The following MYO7B variants were observed in gnomAD, a reference collection of about 807,000 sequenced individuals.
MYO7B encodes the protein unconventional myosin-VIIb.
MYO7B carries 212 observed loss-of-function variants against 259.7 expected under a neutral mutation model. The ratio of observed to expected loss-of-function variants is 0.82; its 90% confidence interval spans 0.73 to 0.91. The LOEUF is 0.91. Ranked by LOEUF, MYO7B falls within the 40% of genes least tolerant of loss-of-function variation. The pLI is 0.00. For synonymous variants in MYO7B, 1,197 were observed against 1,166.4 expected, an observed-to-expected ratio of 1.03 and a Z score of -0.54; for missense variants, 2,732 against 2,813.5, an observed-to-expected ratio of 0.97 and a Z score of 0.66.
At position 127,543,938 on chromosome 2, in the gene MYO7B, G is replaced by T. The variant is rs374150945; in HGVS notation, c.-24+8107G>T. On this transcript the variant is annotated intron_variant, in intron 1 of 47. Coordinates refer to ENST00000409816, the MANE Select transcript of MYO7B (RefSeq NM_001393586.1). ...TTTTTTGTATTTTTAGTAGAGACAGGGTTTCACCGTGTTAGCCAGGATGGT... is the reference window on the plus strand; with the variant it reads ...TTTTTTGTATTTTTAGTAGAGACAGTGTTTCACCGTGTTAGCCAGGATGGT... Among the ~76,000 whole-genome samples, 208 of 151,968 alleles carry T rather than the reference G, an allele frequency of 1.4e-3. 2 individuals carry two copies. In the South Asian group the frequency reaches 0.016, roughly 12 times the overall value.
chr2:127,608,635 T>C, intron 21 of MYO7B, 73 bp from the exon 22 acceptor site: 1 of 1,505,732 alleles, frequency 6.6e-7, no homozygotes, highest in Non-Finnish European at 8.9e-7. Flanking sequence ...GTGCTTGCCC[T>C]GTGGGGTAGG....
chr2:127,582,165 TG>T lies in MYO7B; in HGVS notation c.1201-136del. The T allele has an allele frequency of 1.4e-6, 2 of 1,461,154 alleles. 1 individual carries two copies. The highest frequency in any genetic ancestry group is 2.7e-5 in the South Asian group (2 of 75,192). 90.5% of individuals were successfully genotyped at this position (1,461,154 alleles called of 1,614,324 possible). On this transcript the variant is annotated intron_variant, in intron 11 of 47. Coordinates refer to ENST00000409816, the MANE Select transcript of MYO7B (RefSeq NM_001393586.1). ...GGTGACCATGGACTCCTCAGCCTCT[TG>T]GGCCCTGGTTTCTTGCCTTTGAAGG...
intron 16 of MYO7B, among the ~76,000 whole-genome samples, chr2:127,592,162 G>A (rs1281139775): frequency 1.3e-5 from 2 of 152,230 alleles, no homozygotes; most frequent in African/African-American, 4.8e-5. Flanking sequence ...GGGACGCCAA[G>A]GCGGGCGGAT....
chr2:127,543,533 T>C (rs1377113143), intron 1 of MYO7B, among the ~76,000 whole-genome samples: 2 of 152,128 alleles, frequency 1.3e-5, no homozygotes, highest in African/African-American at 2.4e-5. Context: ...GTCTGATCTC[T>C]CTTTCTTTTC....
At chr2:127,563,516 G>A (rs979836698) in intron 2 of MYO7B, among the ~76,000 whole-genome samples, 1 of 151,938 alleles carries the variant, frequency 6.6e-6, no homozygotes, top group African/African-American at 2.4e-5. Flanking sequence ...TGCAAATATG[G>A]AAGACCTGCA....
In MYO7B at chr2:127,576,586, C is replaced by G; in HGVS notation, c.736-9C>G. 2 of 1,514,886 alleles carry G rather than the reference C, an allele frequency of 1.3e-6. No homozygotes were observed. Among genetic ancestry groups the G allele is most frequent in the Non-Finnish European group, 9.1e-7 (1 of 1,097,070 alleles). The allele number at this position is 1,514,886 out of a possible 1,614,324, so 93.8% of individuals were successfully genotyped here. A position where few individuals can be genotyped will look rare whatever the true frequency, so the allele number is the denominator to read the frequency against. ...TGAATCTGTCTGGAATGCCCTCCCT[C>G]CCTCCCAGGCTCCCGAGGAGCGGAA... On this transcript the variant is annotated splice_polypyrimidine_tract_variant and intron_variant, in intron 7 of 47. Coordinates refer to ENST00000409816, the MANE Select transcript of MYO7B (RefSeq NM_001393586.1). This position sits in a 1 kb window ranked among gnomAD's most constrained non-coding sequence, Gnocchi z 4.9.
intron 43 of MYO7B, 86 bp from the exon 44 acceptor site, chr2:127,635,636 G>A: frequency 3.5e-6 from 5 of 1,408,912 alleles, no homozygotes; most frequent in Non-Finnish European, 4.8e-6. Context: ...CTAAGCCCCA[G>A]TTCCCCACCA....
rs1414848608 is a variant in MYO7B, at chr2:127,627,500, C to T, written c.4460+190C>T. Reference sequence around the variant, plus strand: ...ACCCTCCTGCACCAGGCCGTACTGCCCATGAAGTACTCCATTGGGGCATCA... The same window carrying T: ...ACCCTCCTGCACCAGGCCGTACTGCTCATGAAGTACTCCATTGGGGCATCA... On this transcript the variant is annotated intron_variant, in intron 33 of 47. Coordinates refer to ENST00000409816, the MANE Select transcript of MYO7B (RefSeq NM_001393586.1). This position sits in a 1 kb window ranked among gnomAD's most constrained non-coding sequence, Gnocchi z 5.6. 3.8e-6 allele frequency: 3 copies of T among 797,894 alleles called. No homozygotes were observed. Among genetic ancestry groups the T allele is most frequent in the Admixed American group, 4.0e-5 (2 of 49,522 alleles). 49.4% of individuals were successfully genotyped at this position (797,894 alleles called of 1,614,324 possible).
chr2:127,627,811 G>A lies in MYO7B; in HGVS notation c.4460+501G>A, dbSNP rs549008298. 1.4e-3 allele frequency: 648 copies of A among 457,868 alleles called. 8 individuals carry two copies. The highest frequency in any genetic ancestry group is 9.3e-3 in the South Asian group (602 of 64,584). The allele number at this position is 457,868 out of a possible 1,614,324, so 28.4% of individuals were successfully genotyped here. A position where few individuals can be genotyped will look rare whatever the true frequency, so the allele number is the denominator to read the frequency against. ...GGAACTTTTCCATGCCCTTTGGGAA[G>A]TCCCACCCAAGCCCTGCCAGAGCGC... is the stretch of plus-strand genomic sequence containing the variant. On this transcript the variant is annotated intron_variant, in intron 33 of 47. Transcript: ENST00000409816. The surrounding 1 kb of genome is among the most constrained non-coding windows in gnomAD (Gnocchi z 5.6).
intron 19 of MYO7B, among the ~76,000 whole-genome samples, chr2:127,598,106 G>A (rs980204727): frequency 8.5e-5 from 13 of 152,172 alleles, no homozygotes; most frequent in African/African-American, 2.9e-4. Context: ...ATCAGTTGCC[G>A]TTTCTCTGGG....
intron 25 of MYO7B, 42 bp from the exon 26 acceptor site, chr2:127,612,434 G>A: frequency 6.4e-7 from 1 of 1,550,922 alleles, no homozygotes; most frequent in Non-Finnish European, 8.7e-7. Flanking sequence ...TGGCAGATGG[G>A]GAGAATCATA....
At position 127,630,880 on chromosome 2, in the gene MYO7B, C is replaced by G; in HGVS notation, c.4909C>G (p.Leu1637Val). The part of the protein sequence containing the change: ...EEPPKEKLHT[L>V]EEFSYEFFRA... ...GCCACCCAAGGAAAAGCTGCACACCCTGGAGGAGTTCTCCTATGAGTTCTT... is the reference window on the plus strand; with the variant it reads ...GCCACCCAAGGAAAAGCTGCACACCGTGGAGGAGTTCTCCTATGAGTTCTT... The change falls in exon 36 of 48, where the codon CTG (leucine) becomes GTG (valine). Residue 1637 changes from leucine to valine, a missense_variant. By Grantham distance (32) the Leu-to-Val change is conservative. Coordinates refer to ENST00000409816, the MANE Select transcript of MYO7B (RefSeq NM_001393586.1). 1 of 1,601,196 alleles carries G rather than the reference C, an allele frequency of 6.2e-7. No individual in the cohort carries two copies.
chr2:127,565,103 A>T, intron 3 of MYO7B, 130 bp from the exon 4 acceptor site: 1 of 1,192,254 alleles, frequency 8.4e-7, no homozygotes, highest in Non-Finnish European at 1.2e-6. Context: ...GAGGCTGGCC[A>T]CTGCCCCAGG....
rs532587183 is a variant in MYO7B, at chr2:127,552,527, C to T, written c.-23-7173C>T. ...GACCAGGCAAGCCATGGAGTGGGGG[C>T]CCCTAGGGCTGGGGGTCAGAGGAGG... On this transcript the variant is annotated intron_variant, in intron 1 of 47. Coordinates refer to ENST00000409816, the MANE Select transcript of MYO7B (RefSeq NM_001393586.1). 2.6e-3 allele frequency among the ~76,000 whole-genome samples: 398 copies of T among 152,224 alleles called. 3 individuals carry two copies. The highest frequency in any genetic ancestry group is 3.8e-3 in the Non-Finnish European group (260 of 68,006).
chr2:127,565,169 G>T lies in MYO7B; in HGVS notation c.133-64G>T, dbSNP rs547665629. On this transcript the variant is annotated intron_variant, in intron 3 of 47. Transcript: ENST00000409816. ...TGCTGCTGAGAACTTGGAGGGGAGG[G>T]TGTGGCAGGCTGGCCATGGGGATGG... 1.4e-5 allele frequency: 22 copies of T among 1,559,136 alleles called. No individual in the cohort carries two copies. The South Asian group carries it at 2.1e-4, about 15-fold the overall frequency.
rs1558816893 is a variant in MYO7B at position 127,584,893 on chromosome 2, A to G, written c.1670A>G (p.Glu557Gly). 6.2e-7 allele frequency: 1 copy of G among 1,613,970 alleles called. No individual in the cohort carries two copies. The highest frequency in any genetic ancestry group is 8.5e-7 in the Non-Finnish European group (1 of 1,179,900). The change falls in exon 14 of 48, where the codon GAG becomes GGG. Residue 557 changes from glutamate to glycine, a missense_variant. Glu to Gly is a moderately conservative substitution (Grantham distance 98). Around this residue, in one of 3 missense-constraint regions of MYO7B, gnomAD observed 1,906 missense variants for 2,026.4 expected, o/e 0.94. Transcript: ENST00000409816. The surrounding 1 kb of genome is among the most constrained non-coding windows in gnomAD (Gnocchi z 5.8). ...ARFGIAHFAG[E>G]VYYQAEGFLE... The stretch of plus-strand genomic sequence containing the variant: ...TTTGGCATTGCCCATTTTGCCGGCG[A>G]GGTGTACTACCAAGCAGAAGGTGGG...
In MYO7B at chr2:127,628,424, G is replaced by C; in HGVS notation, c.4513G>C (p.Glu1505Gln). ...LLLSTMHEEY[E>Q]FVSPSSVAIA... ...GCTCTCCACGATGCATGAGGAGTAC[G>C]AGTTTGTGTCACCCAGCAGTGTGGC... is the stretch of plus-strand genomic sequence containing the variant. Residue 1505 changes from glutamate (E) to glutamine (Q), a missense_variant, in exon 34 of 48, where the codon GAG becomes CAG. Physicochemically the swap from Glu to Gln is conservative, Grantham distance 29. This residue lies in a region of MYO7B where 1,906 missense variants were observed against 2,026.4 expected (regional missense o/e 0.94). Transcript: ENST00000409816. The surrounding 1 kb of genome is among the most constrained non-coding windows in gnomAD (Gnocchi z 4.8). The C allele has an allele frequency of 1.3e-6, 2 of 1,598,088 alleles. No homozygotes were observed. The highest frequency in any genetic ancestry group is 1.7e-6 in the Non-Finnish European group (2 of 1,174,088).
At chr2:127,543,582 T>C (rs1164722433) in intron 1 of MYO7B, among the ~76,000 whole-genome samples, 1 of 152,156 alleles carries the variant, frequency 6.6e-6, no homozygotes, top group Non-Finnish European at 1.5e-5. Flanking sequence ...AAAGGAGCCA[T>C]GTGTGAAGTA....
In MYO7B at chr2:127,615,759, C is replaced by T. The variant is rs1015298633; in HGVS notation, c.3398+3156C>T. 2.0e-5 allele frequency among the ~76,000 whole-genome samples: 3 copies of T among 151,822 alleles called. No homozygotes were observed. Among genetic ancestry groups the T allele is most frequent in the Non-Finnish European group, 4.4e-5 (3 of 67,968 alleles). On this transcript the variant is annotated intron_variant, in intron 26 of 47. Transcript: ENST00000409816. This position sits in a 1 kb window ranked among gnomAD's most constrained non-coding sequence, Gnocchi z 4.4. Reference sequence around the variant, plus strand: ...TACTAGATCACGACTCTCACTCTTTCGGCCTGCAACATCTCTCCCTTTTTG... The same window carrying T: ...TACTAGATCACGACTCTCACTCTTTTGGCCTGCAACATCTCTCCCTTTTTG...
Sources: allele counts gnomAD v4.1 joint callset (sites outside exome capture counted in the v4.1 genomes callset), GRCh38; gene constraint gnomAD v4.1.1; regional missense constraint gnomAD v4.1.1; non-coding constraint Gnocchi (gnomAD v3.1); transcripts MANE v1.5; gene names NCBI Gene and HGNC (gene_info 2026-07-23, HGNC 2026-07-21).